The following IQGAP1 variants were observed in gnomAD, a reference collection of about 807,000 sequenced individuals.
IQGAP1 encodes the protein IQ motif containing GTPase activating protein 1.
In IQGAP1, 66 loss-of-function variants were observed where a neutral mutation model predicts 215.6. That is an observed-to-expected ratio of 0.31 (90% confidence interval 0.25 to 0.38). The LOEUF (loss-of-function observed/expected upper bound fraction) is 0.38. Among genes scored for constraint, IQGAP1 ranks in the 10% least tolerant of loss-of-function variants. The pLI is 1.00. For missense variants in IQGAP1, 1,712 were observed against 1,997.1 expected, an observed-to-expected ratio of 0.86 and a Z score of 2.72; for synonymous variants, 772 against 728.7, an observed-to-expected ratio of 1.06 and a Z score of -0.96.
chr15:90,489,437 T>A (rs1966173591), intron 33 of IQGAP1, among the ~76,000 whole-genome samples: 1 of 152,166 alleles, frequency 6.6e-6, no homozygotes, highest in Non-Finnish European at 1.5e-5. Flanking sequence ...CATAGACCTC[T>A]GTTCTCATTT....
At chr15:90,419,104 A>T (rs527837457) in intron 2 of IQGAP1, among the ~76,000 whole-genome samples, 7 of 151,110 alleles carry the variant, frequency 4.6e-5, no homozygotes, top group Admixed American at 1.3e-4. Context: ...GCAGTGAGCC[A>T]TGATCACACC....
rs1966001423 is a variant in IQGAP1 at position 90,477,780 on chromosome 15, C to G, written c.3220C>G (p.Pro1074Ala). Residue 1074 changes from proline (P) to alanine (A), a missense_variant, in exon 26 of 38, where the codon CCA becomes GCA. Coordinates refer to ENST00000268182, the MANE Select transcript of IQGAP1 (RefSeq NM_003870.4). ...GAATGCCCTGAGACAGATCTTGGCC[C>G]CAGTCGTGAAGGAAATTATGGATGA... The part of the protein sequence containing the change: ...GQNALRQILA[P>A]VVKEIMDDKS... The G allele has an allele frequency of 1.9e-6, 3 of 1,613,576 alleles. No homozygotes were observed. The highest frequency in any genetic ancestry group is 2.7e-5 in the African/African-American group (2 of 74,834).
rs557406328 is a variant in IQGAP1 at position 90,464,371 on chromosome 15, CTACATAACCTCAG to C, written c.1777-1627_1777-1615del. Among the ~76,000 whole-genome samples the C allele has an allele frequency of 5.3e-5, 8 of 152,226 alleles. No homozygotes were observed. The East Asian group carries it at 1.5e-3, about 29-fold the overall frequency. On this transcript the variant is annotated intron_variant, in intron 15 of 37. Coordinates refer to ENST00000268182, the MANE Select transcript of IQGAP1 (RefSeq NM_003870.4). ...CCCACTCTTTTGAGATCGTTGAAAC[CTACATAACCTCAG>C]TATGACCATGGAAATCTAATGGGGT... is the stretch of plus-strand genomic sequence containing the variant.
At chr15:90,486,835 G>A in intron 31 of IQGAP1, 119 bp from the exon 32 acceptor site, 2 of 996,038 alleles carry the variant, frequency 2.0e-6, no homozygotes, top group Admixed American at 2.3e-5. Context: ...TCGTCACACT[G>A]TATGTGTTAG....
intron 25 of IQGAP1, among the ~76,000 whole-genome samples, chr15:90,477,438 TA>T (rs1237010755): frequency 6.6e-6 from 1 of 151,990 alleles, no homozygotes; most frequent in Non-Finnish European, 1.5e-5. Context: ...CATTCTGTAT[TA>T]AGGTATAATT....
chr15:90,464,938 C>T (rs528013295), intron 15 of IQGAP1, among the ~76,000 whole-genome samples: 8 of 152,170 alleles, frequency 5.3e-5, no homozygotes, highest in Admixed American at 5.2e-4. Flanking sequence ...CAAATGGTCA[C>T]CAATAAGCGC....
chr15:90,395,051 A>G (rs903980511), intron 2 of IQGAP1, among the ~76,000 whole-genome samples: 2 of 152,232 alleles, frequency 1.3e-5, no homozygotes, highest in Admixed American at 1.3e-4. Flanking sequence ...GGTAATTCCT[A>G]TAAATGAGCA....
At position 90,500,650 on chromosome 15, in the gene IQGAP1, T is replaced by C. The variant is rs1175988487; in HGVS notation, c.*542T>C. ...ATGGGGAATCATTGGTTATCTTCCA[T>C]TGTGTTTTTCTTTATGGACAGGAGC... On this transcript the variant is annotated 3_prime_UTR_variant, in exon 38 of 38. Coordinates refer to ENST00000268182, the MANE Select transcript of IQGAP1 (RefSeq NM_003870.4). 6.6e-6 allele frequency: 1 copy of C among 152,410 alleles called. No homozygotes were observed. The highest frequency in any genetic ancestry group is 1.9e-4 in the East Asian group (1 of 5,188). 9.4% of individuals were successfully genotyped at this position (152,410 alleles called of 1,614,324 possible).
intron 2 of IQGAP1, among the ~76,000 whole-genome samples, chr15:90,420,926 G>A (rs1474355738): frequency 2.0e-5 from 3 of 152,136 alleles, no homozygotes; most frequent in African/African-American, 7.2e-5. Flanking sequence ...GCCAAGGTGG[G>A]CGGATCACTT....
chr15:90,453,005 T>C (rs759375805), intron 12 of IQGAP1, 67 bp downstream of exon 12: 173 of 1,580,926 alleles, frequency 1.1e-4, no homozygotes, highest in Non-Finnish European at 1.4e-4. Context: ...TACCCACTTC[T>C]TCCTGTGGTT....
intron 17 of IQGAP1, 77 bp downstream of exon 17, chr15:90,466,513 A>ATAAG: frequency 7.1e-7 from 1 of 1,411,034 alleles, no homozygotes; most frequent in Non-Finnish European, 1.0e-6. Flanking sequence ...GAGGAAAGGG[A>ATAAG]TAAGCTATAG....
At chr15:90,441,740 A>G in intron 8 of IQGAP1, 56 bp downstream of exon 8, 7 of 1,249,624 alleles carry the variant, frequency 5.6e-6, no homozygotes, top group Non-Finnish European at 7.9e-6. Flanking sequence ...GTCATTTGAT[A>G]TGGCTCCAGT....
At chr15:90,462,584 TAGTA>T (rs1331426748) in intron 15 of IQGAP1, among the ~76,000 whole-genome samples, 2 of 152,204 alleles carry the variant, frequency 1.3e-5, no homozygotes, top group Non-Finnish European at 2.9e-5. Flanking sequence ...CCAAGCCACA[TAGTA>T]AGTAAAGTCT....
At chr15:90,488,000 T>A (rs1356369070) in intron 33 of IQGAP1, among the ~76,000 whole-genome samples, 4 of 151,928 alleles carry the variant, frequency 2.6e-5, no homozygotes, top group Non-Finnish European at 5.9e-5. Context: ...AGGTGGGTAG[T>A]TCACGAGGTC....
intron 33 of IQGAP1, among the ~76,000 whole-genome samples, chr15:90,490,878 G>T (rs1008199854): frequency 3.9e-5 from 6 of 152,098 alleles, no homozygotes; most frequent in Non-Finnish European, 7.4e-5. Flanking sequence ...GCGCGATCTT[G>T]GCTCACTGCA....
rs1238428569 is a variant in IQGAP1, at chr15:90,500,159, G to A, written c.*51G>A. On this transcript the variant is annotated 3_prime_UTR_variant, in exon 38 of 38. Transcript: ENST00000268182. The stretch of plus-strand genomic sequence containing the variant: ...GGATGAAGGAAAGAAGCACCTCACA[G>A]CTCCTTTCTAGGTCCTTCTTTCCTC... The A allele has an allele frequency of 9.7e-7, 1 of 1,034,046 alleles. No individual in the cohort carries two copies. Among genetic ancestry groups the A allele is most frequent in the Non-Finnish European group, 1.5e-6 (1 of 658,922 alleles). 64.1% of individuals were successfully genotyped at this position (1,034,046 alleles called of 1,614,324 possible).
intron 15 of IQGAP1, among the ~76,000 whole-genome samples, chr15:90,457,481 C>T (rs1202878893): frequency 1.3e-5 from 2 of 151,538 alleles, no homozygotes; most frequent in Admixed American, 6.6e-5. Flanking sequence ...GGCTAGAGTG[C>T]AATGACGCAA....
chr15:90,474,189 C>G, intron 22 of IQGAP1, 56 bp downstream of exon 22: 1 of 1,461,996 alleles, frequency 6.8e-7, no homozygotes, highest in South Asian at 1.3e-5. Flanking sequence ...CCACCAAGTT[C>G]AGGGTATTCT....
At position 90,448,751 on chromosome 15, in the gene IQGAP1, G is replaced by T; in HGVS notation, c.1077+15G>T. ...AGAAGAGACAGGTAAACATAGTCTGGATTGAAGCTGCAAGAGTTTGTATAT... is the reference window on the plus strand; with the variant it reads ...AGAAGAGACAGGTAAACATAGTCTGTATTGAAGCTGCAAGAGTTTGTATAT... On this transcript the variant is annotated intron_variant, in intron 10 of 37. Coordinates refer to ENST00000268182, the MANE Select transcript of IQGAP1 (RefSeq NM_003870.4). The T allele has an allele frequency of 6.5e-7, 1 of 1,534,312 alleles. No individual in the cohort carries two copies.
Sources: allele counts gnomAD v4.1 joint callset (sites outside exome capture counted in the v4.1 genomes callset), GRCh38; gene constraint gnomAD v4.1.1; transcripts MANE v1.5; gene names NCBI Gene and HGNC (gene_info 2026-07-23, HGNC 2026-07-21).